The following RBFOX1 variants were observed in gnomAD, a reference collection of about 807,000 sequenced individuals.
The protein encoded by RBFOX1 is RNA binding protein fox-1 homolog 1.
RBFOX1 carries 8 observed loss-of-function variants against 57.7 expected under a neutral mutation model. That is an observed-to-expected ratio of 0.14 (90% CI 0.08 to 0.25). The LOEUF (loss-of-function observed/expected upper bound fraction) is 0.25. RBFOX1 is among the 10% of genes least tolerant of loss of function. The pLI, the probability that RBFOX1 is intolerant of heterozygous loss-of-function variation, is 1.00. For synonymous variants in RBFOX1, 326 were observed against 222.4 expected, an observed-to-expected ratio of 1.47 and a Z score of -4.15; for missense variants, 611 against 548.5, an observed-to-expected ratio of 1.11 and a Z score of -1.14.
intron 4 of RBFOX1, among the ~76,000 whole-genome samples, chr16:7,057,401 G>T (rs2052681896): frequency 6.6e-6 from 1 of 152,184 alleles, no homozygotes; most frequent in African/African-American, 2.4e-5. Flanking sequence ...TCCTGTCTTT[G>T]TTTCTGTTTA....
chr16:6,297,221 C>T (rs1048405581), intron 1 of RBFOX1, among the ~76,000 whole-genome samples: 8 of 152,078 alleles, frequency 5.3e-5, no homozygotes, highest in African/African-American at 1.9e-4. Context: ...TCTTTATGAC[C>T]TGTATCTTGT....
intron 1 of RBFOX1, among the ~76,000 whole-genome samples, chr16:6,286,348 A>T (rs1304946749): frequency 6.7e-6 from 1 of 148,394 alleles, no homozygotes; most frequent in Admixed American, 6.7e-5. Context: ...AGAAATCTTG[A>T]CTCAGATGTG....
chr16:6,356,119 G>A (rs1198316120), intron 2 of RBFOX1, among the ~76,000 whole-genome samples: 1 of 152,216 alleles, frequency 6.6e-6, no homozygotes, highest in Non-Finnish European at 1.5e-5. Flanking sequence ...AATCTCCTGT[G>A]CAGAAAAATC....
intron 3 of RBFOX1, among the ~76,000 whole-genome samples, chr16:6,822,335 C>G (rs890137687): frequency 1.3e-5 from 2 of 152,186 alleles, no homozygotes; most frequent in East Asian, 1.9e-4. Context: ...TGCCTGTTGA[C>G]TCTCAGCCAT....
intron 4 of RBFOX1, among the ~76,000 whole-genome samples, chr16:7,152,581 A>G (rs2076307672): frequency 6.6e-6 from 1 of 152,012 alleles, no homozygotes; most frequent in Admixed American, 6.6e-5. Flanking sequence ...ACTGGATTTC[A>G]TTTGCATCAT....
chr16:7,408,228 A>T (rs980762641), intron 4 of RBFOX1, among the ~76,000 whole-genome samples: 6 of 152,202 alleles, frequency 3.9e-5, no homozygotes, highest in African/African-American at 1.4e-4. Flanking sequence ...AGGGAGACTG[A>T]CACTCAAATC....
chr16:6,366,079 C>A (rs2089549679), intron 2 of RBFOX1, among the ~76,000 whole-genome samples: 1 of 130,528 alleles, frequency 7.7e-6, no homozygotes, highest in African/African-American at 3.3e-5. Flanking sequence ...GAATGGTGGC[C>A]ATTCTATGTG....
intron 4 of RBFOX1, among the ~76,000 whole-genome samples, chr16:7,393,305 A>G (rs2098076924): frequency 5.3e-5 from 8 of 152,154 alleles, no homozygotes; most frequent in Admixed American, 5.2e-4. Context: ...TGTGTCTGGG[A>G]AGATGGGGTA....
intron 4 of RBFOX1, among the ~76,000 whole-genome samples, chr16:7,212,464 C>G (rs1005871117): frequency 6.6e-6 from 1 of 152,100 alleles, no homozygotes; most frequent in African/African-American, 2.4e-5. Context: ...GCAGATGCTG[C>G]TTTAGAGTTT....
chr16:6,360,044 G>C (rs2088150732), intron 2 of RBFOX1, among the ~76,000 whole-genome samples: 1 of 152,008 alleles, frequency 6.6e-6, no homozygotes, highest in South Asian at 2.1e-4. Context: ...CAATATGCTG[G>C]TTGTGATTAT....
At chr16:5,354,049 T>C (rs4238858) in intron 1 of RBFOX1, among the ~76,000 whole-genome samples, 130,986 of 152,052 alleles carry the variant, frequency 0.86, 58,786 homozygotes, top group East Asian at 1. Flanking sequence ...ACAATTCCTT[T>C]CCAGAAAGGC....
intron 1 of RBFOX1, among the ~76,000 whole-genome samples, chr16:5,392,839 C>G (rs1263007656): frequency 2.6e-5 from 4 of 152,194 alleles, no homozygotes; most frequent in East Asian, 3.8e-4. Flanking sequence ...AGGGACCACA[C>G]AGACTCCTGT....
chr16:7,032,344 C>T (rs1278962980), intron 3 of RBFOX1, among the ~76,000 whole-genome samples: 1 of 152,002 alleles, frequency 6.6e-6, no homozygotes, highest in Non-Finnish European at 1.5e-5. Context: ...ACTTGGGAGG[C>T]TGAGGCACAA....
chr16:7,134,291 G>A (rs866099154), intron 4 of RBFOX1, among the ~76,000 whole-genome samples: 1 of 152,140 alleles, frequency 6.6e-6, no homozygotes, highest in South Asian at 2.1e-4. Flanking sequence ...ATGACATTTT[G>A]CTGTGAAACT....
chr16:6,122,590 G>A (rs1389190216), intron 1 of RBFOX1, among the ~76,000 whole-genome samples: 1 of 152,132 alleles, frequency 6.6e-6, no homozygotes, highest in Non-Finnish European at 1.5e-5. Flanking sequence ...TGCTGACTAG[G>A]CCTTCCGTGT....
rs139052845 is a variant in RBFOX1 at position 6,500,656 on chromosome 16, C to T, written c.-63-153947C>T. Among the ~76,000 whole-genome samples, 381 of 152,106 alleles carry T rather than the reference C, an allele frequency of 2.5e-3. 4 individuals carry two copies. The highest frequency in any genetic ancestry group is 8.7e-3 in the African/African-American group (361 of 41,504). On this transcript the variant is annotated intron_variant, in intron 2 of 15. Coordinates refer to ENST00000550418, the MANE Select transcript of RBFOX1 (RefSeq NM_018723.4). ...AGTACATGGACTGTAACTACAGAGG[C>T]TTAAGAATGGCAAGAAGAGGCATTG...
At chr16:5,355,644 C>A (rs548020713) in intron 1 of RBFOX1, among the ~76,000 whole-genome samples, 3 of 152,096 alleles carry the variant, frequency 2.0e-5, no homozygotes, top group Non-Finnish European at 4.4e-5. Flanking sequence ...GGTTGAGGAG[C>A]GTCTCCTCCA....
intron 1 of RBFOX1, among the ~76,000 whole-genome samples, chr16:6,104,275 A>AAAG (rs2096351452): frequency 6.6e-6 from 1 of 152,182 alleles, no homozygotes; most frequent in Non-Finnish European, 1.5e-5. Flanking sequence ...TACGCTTCTT[A>AAAG]AGTATAAGGA....
intron 4 of RBFOX1, among the ~76,000 whole-genome samples, chr16:7,345,932 C>G (rs1413359762): frequency 1.3e-5 from 2 of 152,088 alleles, no homozygotes; most frequent in African/African-American, 4.8e-5. Flanking sequence ...CACCCATTAA[C>G]TCGTCATTTA....
Sources: gnomAD v4.1 joint callset for allele counts (sites outside exome capture counted in the v4.1 genomes callset) on GRCh38, gnomAD v4.1.1 for gene constraint, MANE v1.5 for transcripts, NCBI Gene and HGNC (gene_info 2026-07-23, HGNC 2026-07-21) for gene names.